ADCY8: variants seen among roughly 807,000 people sequenced by gnomAD.
ADCY8 encodes adenylate cyclase 8, also known as adenylate cyclase type 8.
A neutral mutation model predicts 119.7 loss-of-function variants in ADCY8; 51 were observed. That is an observed-to-expected ratio of 0.43 (90% CI 0.34 to 0.54). The LOEUF (loss-of-function observed/expected upper bound fraction) is 0.54. Ranked by LOEUF, ADCY8 falls within the 20% of genes least tolerant of loss-of-function variation. ADCY8 has a pLI of 0.03. For synonymous variants in ADCY8, 665 were observed against 651.0 expected (o/e 1.02, Z -0.33); for missense variants, 1,383 against 1,598.8 (o/e 0.87, Z 2.30).
At chr8:130,942,051 G>A (rs994730308) in intron 4 of ADCY8, among the ~76,000 whole-genome samples, 2 of 152,020 alleles carry the variant, frequency 1.3e-5, no homozygotes, top group African/African-American at 4.8e-5. Flanking sequence ...CCCACCCCAT[G>A]CTCCATTGCT....
At position 130,840,316 on chromosome 8, in the gene ADCY8, A is replaced by G. The variant is rs577290476; in HGVS notation, c.2503-3867T>C. ...TTACAGGTGTGGAAGAAACCACTCA[A>G]GCAGAATACAAGTAAAGACAGAAGA... On this transcript the variant is annotated intron_variant, in intron 11 of 17. Coordinates refer to ENST00000286355, the MANE Select transcript of ADCY8 (RefSeq NM_001115.3). Among the ~76,000 whole-genome samples, 195 of 138,016 alleles carry G rather than the reference A, an allele frequency of 1.4e-3. 46 individuals carry two copies. Among genetic ancestry groups the G allele is most frequent in the Non-Finnish European group, 4.4e-4 (27 of 61,280 alleles). 90.5% of individuals were successfully genotyped at this position (138,016 alleles called of 152,430 possible). A position where few individuals can be genotyped will look rare whatever the true frequency, so the allele number is the denominator to read the frequency against.
chr8:130,782,528 C>T (rs751553598), intron 17 of ADCY8, among the ~76,000 whole-genome samples: 3 of 152,158 alleles, frequency 2.0e-5, no homozygotes, highest in Non-Finnish European at 2.9e-5. Flanking sequence ...AACTATACTA[C>T]GAGTGTAATA....
At chr8:130,784,242 T>C (rs895444127) in intron 16 of ADCY8, among the ~76,000 whole-genome samples, 1 of 52,500 alleles carries the variant, frequency 1.9e-5, no homozygotes, top group South Asian at 8.5e-4. Context: ...GTATATGTGC[T>C]CTTATGTATG....
At chr8:131,018,228 G>C (rs1327039449) in intron 1 of ADCY8, among the ~76,000 whole-genome samples, 1 of 152,194 alleles carries the variant, frequency 6.6e-6, no homozygotes, top group Non-Finnish European at 1.5e-5. Context: ...CAAAGAAAGA[G>C]AGGTAGTTCT....
At chr8:130,872,411 G>C (rs2130414482) in intron 8 of ADCY8, among the ~76,000 whole-genome samples, 1 of 152,278 alleles carries the variant, frequency 6.6e-6, no homozygotes, top group Non-Finnish European at 1.5e-5. Flanking sequence ...CTAGAATGCA[G>C]GGACTCACTG....
At chr8:130,920,144 TAAAAAAAAAAA>T (rs71304399) in intron 5 of ADCY8, among the ~76,000 whole-genome samples, 2 of 99,812 alleles carry the variant, frequency 2.0e-5, no homozygotes, top group African/African-American at 3.9e-5. Flanking sequence ...CTCCGTTTCT[TAAAAAAAAAAA>T]AAAAAAAAAA....
intron 3 of ADCY8, among the ~76,000 whole-genome samples, chr8:130,945,882 G>A (rs552225207): frequency 6.6e-6 from 1 of 152,276 alleles, no homozygotes; most frequent in African/African-American, 2.4e-5. Context: ...ACTTATGAGG[G>A]AGAACCTATC....
At chr8:130,902,147 A>G (rs1418683923) in intron 7 of ADCY8, among the ~76,000 whole-genome samples, 1 of 152,172 alleles carries the variant, frequency 6.6e-6, no homozygotes, top group Non-Finnish European at 1.5e-5. Context: ...AATAAAGACA[A>G]AACAAAAACT....
At chr8:130,856,171 C>T (rs899828747) in intron 9 of ADCY8, among the ~76,000 whole-genome samples, 5 of 151,978 alleles carry the variant, frequency 3.3e-5, no homozygotes, top group African/African-American at 1.2e-4. Flanking sequence ...GGCAAAAGGA[C>T]TACTTTTGCC....
intron 2 of ADCY8, among the ~76,000 whole-genome samples, chr8:130,966,239 T>G (rs1821757251): frequency 6.6e-6 from 1 of 152,186 alleles, no homozygotes. Flanking sequence ...TCTCAGCCAC[T>G]AAGACCTCTG....
intron 17 of ADCY8, among the ~76,000 whole-genome samples, chr8:130,781,548 C>A (rs913731844): frequency 6.6e-6 from 1 of 152,172 alleles, no homozygotes; most frequent in Non-Finnish European, 1.5e-5. Flanking sequence ...AATCAATAAC[C>A]TCTCTGATAT....
Position 131,040,322 on chromosome 8 carries a change from G to C in ADCY8, c.12C>G (p.Ser4=). Residue 4 remains serine, a synonymous_variant, in exon 1 of 18, where the codon TCC becomes TCG. Transcript: ENST00000286355. MEL[S]DVRCLTGSEE... is the part of the protein sequence containing the mutation. ...CGCTGCCTGTAAGGCAGCGCACATC[G>C]GAGAGCTCCATGGCTCTGGGCCGCA... The C allele has an allele frequency of 6.5e-7, 1 of 1,528,388 alleles. No individual in the cohort carries two copies. The highest frequency in any genetic ancestry group is 8.8e-7 in the Non-Finnish European group (1 of 1,142,108). The allele number at this position is 1,528,388 out of a possible 1,614,324, so 94.7% of individuals were successfully genotyped here. A position where few individuals can be genotyped will look rare whatever the true frequency, so the allele number is the denominator to read the frequency against.
chr8:130,956,103 C>T (rs949318616), intron 2 of ADCY8, among the ~76,000 whole-genome samples: 13 of 152,152 alleles, frequency 8.5e-5, no homozygotes, highest in Non-Finnish European at 1.2e-4. Context: ...TGTGTTTGTG[C>T]CACGGCACTC....
chr8:130,819,870 A>G (rs957534596), intron 13 of ADCY8, among the ~76,000 whole-genome samples: 3 of 152,242 alleles, frequency 2.0e-5, no homozygotes, highest in South Asian at 2.1e-4. Flanking sequence ...AAGTCAAAGC[A>G]TATTGCAAGA....
At chr8:130,840,627 T>C (rs1055726984) in intron 11 of ADCY8, among the ~76,000 whole-genome samples, 1 of 152,186 alleles carries the variant, frequency 6.6e-6, no homozygotes, top group Non-Finnish European at 1.5e-5. Flanking sequence ...AGACATGACA[T>C]GGCTTTTGAG....
At chr8:130,925,339 C>G (rs1430440513) in intron 5 of ADCY8, among the ~76,000 whole-genome samples, 1 of 152,176 alleles carries the variant, frequency 6.6e-6, no homozygotes, top group East Asian at 1.9e-4. Flanking sequence ...TTTTCCAGGA[C>G]CCAAACTCAG....
intron 2 of ADCY8, among the ~76,000 whole-genome samples, chr8:130,954,231 CTTATG>C (rs1821357292): frequency 6.6e-6 from 1 of 152,068 alleles, no homozygotes; most frequent in South Asian, 2.1e-4. Context: ...AATGGAAGAA[CTTATG>C]TTAGGAAGAG....
rs954046942 is a variant in ADCY8 at position 130,780,321 on chromosome 8, C to T, written c.*69G>A. The T allele has an allele frequency of 3.5e-5, 40 of 1,151,720 alleles. No individual in the cohort carries two copies. Among genetic ancestry groups the T allele is most frequent in the Non-Finnish European group, 4.3e-5 (39 of 909,628 alleles). 71.3% of individuals were successfully genotyped at this position (1,151,720 alleles called of 1,614,324 possible). ...CATCCTTGTTCTAAAAAAAATTAAA[C>T]CTTTTTATTAGTATATTTATTTTAT... is the stretch of plus-strand genomic sequence containing the variant. On this transcript the variant is annotated 3_prime_UTR_variant, in exon 18 of 18. Transcript: ENST00000286355.
chr8:130,957,545 C>T lies in ADCY8; in HGVS notation c.1111-5547G>A, dbSNP rs990326415. ...TGCCTGCAGAAATTTGCATAAGTAA[C>T]GAGGAGCTGAATGTTAATCCCCAGG... On this transcript the variant is annotated intron_variant, in intron 2 of 17. Coordinates refer to ENST00000286355, the MANE Select transcript of ADCY8 (RefSeq NM_001115.3). Among the ~76,000 whole-genome samples the T allele has an allele frequency of 1.6e-4, 24 of 152,170 alleles. 1 individual carries two copies. The highest frequency in any genetic ancestry group is 1.0e-4 in the Non-Finnish European group (7 of 68,040).
Sources: allele counts gnomAD v4.1 joint callset (sites outside exome capture counted in the v4.1 genomes callset), GRCh38; gene constraint gnomAD v4.1.1; transcripts MANE v1.5; gene names NCBI Gene and HGNC (gene_info 2026-07-23, HGNC 2026-07-21).